CDKAL1: variants seen among roughly 807,000 people sequenced by gnomAD.
The protein encoded by CDKAL1 is threonylcarbamoyladenosine tRNA methylthiotransferase.
CDKAL1 carries 32 observed loss-of-function variants against 68.2 expected under a neutral mutation model. That is an observed-to-expected ratio of 0.47 (90% CI 0.35 to 0.63). The LOEUF (loss-of-function observed/expected upper bound fraction) is 0.63. Among genes scored for constraint, CDKAL1 ranks in the 30% least tolerant of loss-of-function variants. The probability of loss-of-function intolerance (pLI) is 0.00; values close to 1 mark genes in which losing one functional copy is unlikely to be tolerated. For missense variants in CDKAL1, 606 were observed against 696.7 expected (o/e 0.87, Z 1.47); for synonymous variants, 234 against 244.3 (o/e 0.96, Z 0.39).
At chr6:20,593,618 A>AG (rs769550799) in intron 4 of CDKAL1, among the ~76,000 whole-genome samples, 1 of 143,300 alleles carries the variant, frequency 7.0e-6, no homozygotes, top group Non-Finnish European at 1.5e-5. Context: ...AAAAAAAAAA[A>AG]GAAACCCAGC....
At chr6:21,219,394 G>A (rs1421390519) in intron 15 of CDKAL1, among the ~76,000 whole-genome samples, 6 of 152,090 alleles carry the variant, frequency 3.9e-5, no homozygotes, top group Admixed American at 2.6e-4. Context: ...TTGCTTTTTG[G>A]AATTTTGTGG....
Position 21,015,820 on chromosome 6 carries a change from C to T in CDKAL1, c.1055+15448C>T, listed in dbSNP as rs1392713797. ...TGCGCACCTGTAATCCCATGGCGCG[C>T]GCCTATAATCCCAGCTACTCAGGAG... On this transcript the variant is annotated intron_variant, in intron 11 of 15. Coordinates refer to ENST00000274695, the MANE Select transcript of CDKAL1 (RefSeq NM_017774.3). 2.6e-5 allele frequency among the ~76,000 whole-genome samples: 4 copies of T among 151,706 alleles called. No homozygotes were observed. In the East Asian group the frequency reaches 5.8e-4, roughly 22 times the overall value.
At chr6:20,711,751 AGTTT>A (rs1435386855) in intron 5 of CDKAL1, among the ~76,000 whole-genome samples, 1 of 152,264 alleles carries the variant, frequency 6.6e-6, no homozygotes, top group African/African-American at 2.4e-5. Flanking sequence ...TGTCATTCTT[AGTTT>A]GTTTGTGGTA....
chr6:21,198,690 A>T (rs1778566983), intron 14 of CDKAL1, among the ~76,000 whole-genome samples: 1 of 152,176 alleles, frequency 6.6e-6, no homozygotes, highest in African/African-American at 2.4e-5. Context: ...CAGTGTGAGG[A>T]TCAAACCAGC....
At chr6:20,876,839 A>G (rs1294449075) in intron 9 of CDKAL1, among the ~76,000 whole-genome samples, 1 of 152,208 alleles carries the variant, frequency 6.6e-6, no homozygotes, top group Non-Finnish European at 1.5e-5. Flanking sequence ...TAATTCCTTT[A>G]TGATATACAC....
At chr6:20,864,696 G>A (rs1004333488) in intron 9 of CDKAL1, among the ~76,000 whole-genome samples, 26 of 152,070 alleles carry the variant, frequency 1.7e-4, no homozygotes, top group African/African-American at 6.3e-4. Flanking sequence ...GTGTATTTTA[G>A]GTAAAATGGT....
At chr6:20,970,841 TTTTTGTTTTG>T (rs922376273) in intron 10 of CDKAL1, among the ~76,000 whole-genome samples, 1 of 152,122 alleles carries the variant, frequency 6.6e-6, no homozygotes, top group African/African-American at 2.4e-5. Flanking sequence ...TTCTTTCTGT[TTTTTGTTTTG>T]TTTTGTTTTG....
chr6:20,838,610 C>A (rs969856268), intron 8 of CDKAL1, among the ~76,000 whole-genome samples: 4 of 152,092 alleles, frequency 2.6e-5, no homozygotes, highest in Admixed American at 2.0e-4. Flanking sequence ...ACAGTTGTTG[C>A]TATTAAGGGT....
chr6:21,032,831 C>T (rs1338129164), intron 11 of CDKAL1, among the ~76,000 whole-genome samples: 1 of 152,144 alleles, frequency 6.6e-6, no homozygotes, highest in Non-Finnish European at 1.5e-5. Flanking sequence ...CCTAATGACA[C>T]CTGTCTCAGA....
intron 13 of CDKAL1, among the ~76,000 whole-genome samples, chr6:21,181,333 T>G (rs186269727): frequency 6.6e-6 from 1 of 152,306 alleles, no homozygotes; most frequent in Non-Finnish European, 1.5e-5. Flanking sequence ...GTGGTTATAT[T>G]GGGTGTTGGG....
intron 9 of CDKAL1, among the ~76,000 whole-genome samples, chr6:20,945,794 G>T (rs970322288): frequency 1.3e-5 from 2 of 152,136 alleles, no homozygotes; most frequent in Non-Finnish European, 2.9e-5. Flanking sequence ...ATTGTTACTG[G>T]TCTGGGTTCC....
In CDKAL1 at chr6:20,717,328, A is replaced by C. The variant is rs140156910; in HGVS notation, c.372-22191A>C. Among the ~76,000 whole-genome samples the C allele has an allele frequency of 4.2e-3, 644 of 151,916 alleles. 5 individuals carry two copies. Among genetic ancestry groups the C allele is most frequent in the African/African-American group, 0.015 (610 of 41,388 alleles). Reference sequence around the variant, plus strand: ...GCGTATATTTATGCTATTGAGTCTGATCCATTATAGAGGAAAAAAGCTTTG... The same window carrying C: ...GCGTATATTTATGCTATTGAGTCTGCTCCATTATAGAGGAAAAAAGCTTTG... On this transcript the variant is annotated intron_variant, in intron 5 of 15. Coordinates refer to ENST00000274695, the MANE Select transcript of CDKAL1 (RefSeq NM_017774.3).
chr6:20,664,303 T>A (rs1442650331), intron 5 of CDKAL1, among the ~76,000 whole-genome samples: 1 of 101,468 alleles, frequency 9.9e-6, no homozygotes, highest in Non-Finnish European at 2.2e-5. Context: ...TAGAAAGTGT[T>A]TTGGGAAAAA....
intron 4 of CDKAL1, among the ~76,000 whole-genome samples, chr6:20,605,282 A>C (rs1280243021): frequency 6.6e-6 from 1 of 152,128 alleles, no homozygotes; most frequent in Non-Finnish European, 1.5e-5. Flanking sequence ...GGTTTGGGTC[A>C]CTCCACCAGG....
chr6:20,706,958 G>A (rs1391956279), intron 5 of CDKAL1, among the ~76,000 whole-genome samples: 1 of 150,370 alleles, frequency 6.7e-6, no homozygotes, highest in East Asian at 2.0e-4. Context: ...TATTGGGGGT[G>A]AGGGTGGGTG....
intron 8 of CDKAL1, among the ~76,000 whole-genome samples, chr6:20,792,562 C>G (rs1046821118): frequency 1.3e-5 from 2 of 152,146 alleles, no homozygotes; most frequent in Non-Finnish European, 2.9e-5. Context: ...GTTCTCCTCC[C>G]CCACTTTCTC....
At chr6:21,134,148 A>C (rs1775463530) in intron 13 of CDKAL1, among the ~76,000 whole-genome samples, 1 of 152,156 alleles carries the variant, frequency 6.6e-6, no homozygotes. Flanking sequence ...CGAGAAAAAA[A>C]AGAGGGGCCA....
At chr6:20,543,430 T>A (rs1763464567) in intron 2 of CDKAL1, among the ~76,000 whole-genome samples, 1 of 152,206 alleles carries the variant, frequency 6.6e-6, no homozygotes, top group African/African-American at 2.4e-5. Context: ...CTCTGTATAT[T>A]CTCTTGAAAT....
At chr6:21,037,417 G>A (rs905279556) in intron 11 of CDKAL1, among the ~76,000 whole-genome samples, 3 of 152,126 alleles carry the variant, frequency 2.0e-5, no homozygotes, top group African/African-American at 7.2e-5. Context: ...AACATAATAT[G>A]TATTATCACC....
Sources: gnomAD v4.1 joint callset for allele counts (sites outside exome capture counted in the v4.1 genomes callset) on GRCh38, gnomAD v4.1.1 for gene constraint, MANE v1.5 for transcripts, NCBI Gene and HGNC (gene_info 2026-07-23, HGNC 2026-07-21) for gene names.